AMMECR1: variants seen among roughly 807,000 people sequenced by gnomAD.
The protein encoded by AMMECR1 is AMMECR nuclear protein 1.
Under a neutral mutation model 22.5 loss-of-function variants are expected in AMMECR1, and 3 were observed. The observed-to-expected ratio is 0.13, with a 90% confidence interval of 0.06 to 0.35. The LOEUF (loss-of-function observed/expected upper bound fraction) is 0.35, where lower values mean the gene tolerates loss of function less well. Among genes scored for constraint, AMMECR1 ranks in the 10% least tolerant of loss-of-function variants. AMMECR1 has a pLI of 1.00. For missense variants in AMMECR1, 235 were observed against 278.7 expected (o/e 0.84, Z 1.12); for synonymous variants, 130 against 116.7 (o/e 1.11, Z -0.74).
At chrX:110,246,589 A>G (rs1278783241) in intron 2 of AMMECR1, among the ~76,000 whole-genome samples, 3 of 112,073 alleles carry the variant, frequency 2.7e-5, no homozygotes, top group Non-Finnish European at 5.6e-5. Context: ...AGGGGATGCA[A>G]AGATGTGAAA....
In AMMECR1 at chrX:110,196,457, T is replaced by C. The variant is rs2067372037; in HGVS notation, c.*2063A>G. ...CAATATCATTCAGCTTGTGCTCAGT[T>C]TCCCTATAAGGGTAAGAAAAGTTTC... On this transcript the variant is annotated 3_prime_UTR_variant, in exon 6 of 6. Coordinates refer to ENST00000262844, the MANE Select transcript of AMMECR1 (RefSeq NM_015365.3). 1 of 108,854 alleles carries C rather than the reference T, an allele frequency of 9.2e-6. No individual in the cohort carries two copies. 9.0% of individuals were successfully genotyped at this position (108,854 alleles called of 1,213,427 possible).
At chrX:110,388,468 G>A (rs1179049965) in intron 2 of AMMECR1, among the ~76,000 whole-genome samples, 1 of 111,852 alleles carries the variant, frequency 8.9e-6, no homozygotes, top group East Asian at 2.8e-4. Flanking sequence ...GGGACAGGGA[G>A]GAGATCATTA....
At position 110,197,737 on chromosome X, in the gene AMMECR1, T is replaced by C. The variant is rs1171508543; in HGVS notation, c.*783A>G. On this transcript the variant is annotated 3_prime_UTR_variant, in exon 6 of 6. Transcript: ENST00000262844. ...CCTTTTTGAAAGGTAGTTTGTACCT[T>C]CTCCAAACAGTGTTTTAGTTTGCAA... is the stretch of plus-strand genomic sequence containing the variant. The C allele has an allele frequency of 1.8e-5, 2 of 112,109 alleles. No individual in the cohort carries two copies. The highest frequency in any genetic ancestry group is 6.5e-5 in the African/African-American group (2 of 30,762). 9.2% of individuals were successfully genotyped at this position (112,109 alleles called of 1,213,427 possible).
intron 2 of AMMECR1, among the ~76,000 whole-genome samples, chrX:110,358,219 C>A (rs1269223437): frequency 9.0e-6 from 1 of 111,295 alleles, no homozygotes; most frequent in African/African-American, 3.3e-5. Flanking sequence ...TGGGCATAAA[C>A]CTCAAAGGGA....
chrX:110,295,667 A>C (rs2067931876), intron 1 of AMMECR1, among the ~76,000 whole-genome samples: 1 of 111,850 alleles, frequency 8.9e-6, no homozygotes, highest in African/African-American at 3.2e-5. Context: ...AAAGCACTGA[A>C]ATTTCTAAAG....
chrX:110,430,792 A>AAT (rs1407187666), intron 1 of AMMECR1, among the ~76,000 whole-genome samples: 1 of 112,588 alleles, frequency 8.9e-6, no homozygotes, highest in Non-Finnish European at 1.9e-5. Context: ...TGAGTGAATA[A>AAT]ATGACTGTTT....
chrX:110,226,261 G>A (rs111554007), intron 2 of AMMECR1, among the ~76,000 whole-genome samples: 3,327 of 111,958 alleles, frequency 0.03, 129 homozygotes, highest in African/African-American at 0.1. Context: ...AGAAGCTGAG[G>A]TTCAGTGATG....
chrX:110,297,871 C>A (rs1020638121), intron 1 of AMMECR1, among the ~76,000 whole-genome samples: 1 of 111,089 alleles, frequency 9.0e-6, no homozygotes, highest in African/African-American at 3.3e-5. Flanking sequence ...ACATAAGCTG[C>A]TAGGTAAAGT....
intron 3 of AMMECR1, among the ~76,000 whole-genome samples, chrX:110,209,077 C>T (rs564269396): frequency 3.0e-5 from 3 of 100,394 alleles, no homozygotes; most frequent in Non-Finnish European, 6.0e-5. Flanking sequence ...ACTTAGTTTA[C>T]TTTCCAAAGG....
chrX:110,366,123 T>C (rs1344269471), intron 2 of AMMECR1, among the ~76,000 whole-genome samples: 1 of 111,737 alleles, frequency 8.9e-6, no homozygotes, highest in Non-Finnish European at 1.9e-5. Flanking sequence ...GCTATGACTC[T>C]GGCCCAACAA....
chrX:110,325,890 A>G (rs1477670061), intron 2 of AMMECR1, among the ~76,000 whole-genome samples: 1 of 111,931 alleles, frequency 8.9e-6, no homozygotes, highest in East Asian at 2.8e-4. Context: ...TTCTTTTTAA[A>G]TATAGGTATT....
chrX:110,229,764 G>T (rs1037555171), intron 2 of AMMECR1, among the ~76,000 whole-genome samples: 3 of 112,199 alleles, frequency 2.7e-5, no homozygotes, highest in African/African-American at 6.5e-5. Flanking sequence ...AAGGGAAGCC[G>T]TGACAGACTA....
intron 2 of AMMECR1, among the ~76,000 whole-genome samples, chrX:110,236,323 C>G (rs1334280800): frequency 1.8e-5 from 2 of 110,355 alleles, no homozygotes; most frequent in African/African-American, 6.6e-5. Context: ...ACGAGTTACT[C>G]AAAGCACCTA....
chrX:110,342,868 A>G (rs2068170621), intron 2 of AMMECR1, among the ~76,000 whole-genome samples: 1 of 111,558 alleles, frequency 9.0e-6, no homozygotes. Flanking sequence ...CCAACCAAAA[A>G]AAGTCCAGGA....
chrX:110,349,312 A>G (rs2068202498), intron 2 of AMMECR1, among the ~76,000 whole-genome samples: 1 of 111,803 alleles, frequency 8.9e-6, no homozygotes, highest in African/African-American at 3.3e-5. Context: ...TATTTCTCAC[A>G]GTTTTGGAGA....
At chrX:110,423,720 C>T (rs958846390) in intron 2 of AMMECR1, among the ~76,000 whole-genome samples, 7 of 112,476 alleles carry the variant, frequency 6.2e-5, no homozygotes, top group African/African-American at 2.3e-4. Flanking sequence ...GAGGGACTCT[C>T]TCAGGTCCAG....
intron 2 of AMMECR1, chrX:110,346,635 T>G (rs1439205508): frequency 1.8e-6 from 1 of 549,714 alleles, no homozygotes; most frequent in East Asian, 3.4e-5. Context: ...AGGCTTCAAA[T>G]GTATCTCTCT....
intron 2 of AMMECR1, among the ~76,000 whole-genome samples, chrX:110,261,315 G>A (rs2067740296): frequency 9.0e-6 from 1 of 111,554 alleles, no homozygotes; most frequent in African/African-American, 3.3e-5. Context: ...TTAAAAAGAT[G>A]CCTATACCTA....
At chrX:110,227,469 A>G (rs960059821) in intron 2 of AMMECR1, among the ~76,000 whole-genome samples, 1 of 112,666 alleles carries the variant, frequency 8.9e-6, no homozygotes, top group Non-Finnish European at 1.9e-5. Flanking sequence ...CAAGTCCGTC[A>G]TACTGAGAAG....
Sources: gnomAD v4.1 joint callset for allele counts (sites outside exome capture counted in the v4.1 genomes callset) on GRCh38, gnomAD v4.1.1 for gene constraint, MANE v1.5 for transcripts, NCBI Gene and HGNC (gene_info 2026-07-23, HGNC 2026-07-21) for gene names.